NEBL: variants seen among roughly 807,000 people sequenced by gnomAD.
NEBL encodes the protein nebulette.
Under a neutral mutation model 140.2 loss-of-function variants are expected in NEBL, and 122 were observed. The observed-to-expected ratio is 0.87, with a 90% CI of 0.75 to 1.01. The LOEUF is 1.01. NEBL is among the 50% of genes least tolerant of loss of function. The pLI, the probability that NEBL is intolerant of heterozygous loss-of-function variation, is 0.00. For synonymous variants in NEBL, 436 were observed against 398.9 expected (o/e 1.09, Z -1.11); for missense variants, 1,365 against 1,231.3 (o/e 1.11, Z -1.62).
intron 2 of NEBL, among the ~76,000 whole-genome samples, chr10:21,118,269 G>A (rs1432326743): frequency 1.3e-5 from 2 of 152,072 alleles, no homozygotes; most frequent in Non-Finnish European, 2.9e-5. Flanking sequence ...TTTCAACATG[G>A]TTTTCTTCCA....
At chr10:20,840,610 C>A (rs969607954) in intron 13 of NEBL, 129 bp downstream of exon 13, 1 of 686,114 alleles carries the variant, frequency 1.5e-6, no homozygotes. Context: ...GAAAAGACTA[C>A]AAGGATATAG....
chr10:20,808,307 G>A (rs376037872), intron 26 of NEBL, among the ~76,000 whole-genome samples: 2 of 150,650 alleles, frequency 1.3e-5, no homozygotes, highest in South Asian at 4.2e-4. Flanking sequence ...AAGACGGGGG[G>A]AAAATAACAT....
intron 2 of NEBL, among the ~76,000 whole-genome samples, chr10:21,142,951 C>A (rs1839709826): frequency 1.3e-5 from 2 of 152,108 alleles, no homozygotes; most frequent in African/African-American, 2.4e-5. Context: ...ACTTTATAAT[C>A]TTCAGGTAGT....
chr10:21,067,185 A>G (rs1159373737), intron 2 of NEBL, among the ~76,000 whole-genome samples: 2 of 151,916 alleles, frequency 1.3e-5, no homozygotes, highest in Non-Finnish European at 2.9e-5. Flanking sequence ...GTTAGCCAGG[A>G]TGGTCTCGAT....
intron 3 of NEBL, among the ~76,000 whole-genome samples, chr10:21,231,133 G>A (rs547240780): frequency 6.6e-6 from 1 of 152,314 alleles, no homozygotes; most frequent in East Asian, 1.9e-4. Flanking sequence ...GTGTCCTCGC[G>A]ATGTGCGAGC....
At chr10:21,228,228 A>C (rs1320078514) in intron 3 of NEBL, among the ~76,000 whole-genome samples, 6 of 151,952 alleles carry the variant, frequency 3.9e-5, no homozygotes, top group Admixed American at 2.0e-4. Context: ...ATCACGACTC[A>C]CTACACCCTC....
chr10:20,844,113 G>T (rs1841668726), intron 12 of NEBL, among the ~76,000 whole-genome samples: 1 of 152,074 alleles, frequency 6.6e-6, no homozygotes, highest in Non-Finnish European at 1.5e-5. Flanking sequence ...GAAATTACAT[G>T]TCTATTTCAG....
intron 26 of NEBL, among the ~76,000 whole-genome samples, chr10:20,803,050 C>T (rs550570741): frequency 3.9e-5 from 6 of 152,206 alleles, no homozygotes; most frequent in Admixed American, 2.0e-4. Flanking sequence ...TTCAGGGTTC[C>T]GGCCACCGCA....
rs1389947263 is a variant in NEBL, at chr10:20,784,491, A to G, written c.*1256T>C. The stretch of plus-strand genomic sequence containing the variant: ...TTCATTCCCTTAAAAATGATTTAGA[A>G]AATAAAAGCAAAAAAAAATGGAAAA... On this transcript the variant is annotated 3_prime_UTR_variant, in exon 28 of 28. Transcript: ENST00000377122. 2 of 152,202 alleles carry G rather than the reference A, an allele frequency of 1.3e-5. No homozygotes were observed. The highest frequency in any genetic ancestry group is 2.9e-5 in the Non-Finnish European group (2 of 68,032). The allele number at this position is 152,202 out of a possible 1,614,324, so 9.4% of individuals were successfully genotyped here. A position where few individuals can be genotyped will look rare whatever the true frequency, so the allele number is the denominator to read the frequency against.
chr10:21,144,384 C>A (rs1478234514), intron 2 of NEBL, among the ~76,000 whole-genome samples: 2 of 152,170 alleles, frequency 1.3e-5, no homozygotes, highest in Non-Finnish European at 2.9e-5. Flanking sequence ...GGTAACGCAC[C>A]CTCCTTGGCC....
chr10:21,020,149 G>A (rs767254277), exon 3 of NEBL: 5 of 1,614,130 alleles, frequency 3.1e-6, no homozygotes, highest in Non-Finnish European at 2.5e-6. Flanking sequence ...TGCTTCAGGC[G>A]AAGATTTTCA....
chr10:21,075,950 T>C (rs1450483267), intron 2 of NEBL, among the ~76,000 whole-genome samples: 1 of 152,036 alleles, frequency 6.6e-6, no homozygotes, highest in Non-Finnish European at 1.5e-5. Context: ...TCAAGAATCA[T>C]TAGGGAAATG....
At chr10:21,124,390 T>A (rs1171985581) in intron 2 of NEBL, among the ~76,000 whole-genome samples, 1 of 152,196 alleles carries the variant, frequency 6.6e-6, no homozygotes, top group Non-Finnish European at 1.5e-5. Flanking sequence ...CAATATCTTC[T>A]CCTCCACTTG....
intron 2 of NEBL, among the ~76,000 whole-genome samples, chr10:21,062,755 C>T (rs1317972879): frequency 6.6e-6 from 1 of 152,022 alleles, no homozygotes; most frequent in Non-Finnish European, 1.5e-5. Context: ...AGAATGAGAT[C>T]AACCCTCTCA....
intron 2 of NEBL, among the ~76,000 whole-genome samples, chr10:21,061,640 TGCA>T (rs1479067352): frequency 3.3e-5 from 5 of 151,834 alleles, no homozygotes; most frequent in African/African-American, 1.2e-4. Context: ...ATCTCAGCAC[TGCA>T]GATATCATGG....
At chr10:21,245,157 C>T (rs749122997) in intron 3 of NEBL, among the ~76,000 whole-genome samples, 23 of 152,186 alleles carry the variant, frequency 1.5e-4, no homozygotes, top group Non-Finnish European at 2.8e-4. Context: ...GAGCAAGACT[C>T]TTTCTCAAAA....
intron 2 of NEBL, among the ~76,000 whole-genome samples, chr10:21,168,467 G>C (rs1840890549): frequency 6.6e-6 from 1 of 152,096 alleles, no homozygotes; most frequent in Non-Finnish European, 1.5e-5. Context: ...ATCTCTAATA[G>C]CTAAGAAAAG....
intron 2 of NEBL, among the ~76,000 whole-genome samples, chr10:21,033,564 G>C (rs561822108): frequency 1.2e-3 from 189 of 151,790 alleles, no homozygotes; most frequent in African/African-American, 4.2e-3. Flanking sequence ...ATTGAAAATT[G>C]TCCCATCTCT....
intron 4 of NEBL, among the ~76,000 whole-genome samples, chr10:20,907,226 T>C (rs1848130324): frequency 6.6e-6 from 1 of 152,184 alleles, no homozygotes; most frequent in Non-Finnish European, 1.5e-5. Flanking sequence ...AACCTGATTT[T>C]AATTTCCAGA....
Sources: allele counts gnomAD v4.1 joint callset (sites outside exome capture counted in the v4.1 genomes callset), GRCh38; gene constraint gnomAD v4.1.1; transcripts MANE v1.5; gene names NCBI Gene and HGNC (gene_info 2026-07-23, HGNC 2026-07-21).